Variants in SEL1L observed in about 807,000 individuals in gnomAD.
The protein encoded by SEL1L is SEL1L adaptor subunit of SYVN1 ubiquitin ligase.
In SEL1L, 52 loss-of-function variants were observed where a neutral mutation model predicts 109.8. The observed-to-expected ratio is 0.47, with a 90% CI of 0.38 to 0.60. The LOEUF is 0.60. Among genes scored for constraint, SEL1L ranks in the 20% least tolerant of loss-of-function variants. The pLI is 0.00. For missense variants in SEL1L, 749 were observed against 962.2 expected (o/e 0.78, Z 2.93); for synonymous variants, 373 against 339.6 (o/e 1.10, Z -1.08).
chr14:81,489,052 C>G, intron 14 of SEL1L, 200 bp downstream of exon 14: 1 of 591,848 alleles, frequency 1.7e-6, no homozygotes, highest in Non-Finnish European at 3.0e-6. Context: ...GTGCCAGACA[C>G]AGAGCTGTTC....
intron 3 of SEL1L, among the ~76,000 whole-genome samples, chr14:81,512,492 C>A (rs1326049087): frequency 6.6e-6 from 1 of 152,204 alleles, no homozygotes; most frequent in Admixed American, 6.5e-5. Flanking sequence ...TGCTTCTGCT[C>A]TTCTGATGCA....
At position 81,487,378 on chromosome 14, in the gene SEL1L, G is replaced by GA; in HGVS notation, c.1632+11dup. ...CAACTCCCTACACACAAGCTGGTAG[G>GA]AAAGACCTTACCTCCACTGCAGTGT... On this transcript the variant is annotated intron_variant, in intron 16 of 20. Coordinates refer to ENST00000336735, the MANE Select transcript of SEL1L (RefSeq NM_005065.6). 3.2e-6 allele frequency: 5 copies of GA among 1,560,560 alleles called. No individual in the cohort carries two copies. The highest frequency in any genetic ancestry group is 4.3e-6 in the Non-Finnish European group (5 of 1,162,902).
At chr14:81,523,009 A>G (rs1884983518) in intron 3 of SEL1L, among the ~76,000 whole-genome samples, 1 of 152,234 alleles carries the variant, frequency 6.6e-6, no homozygotes, top group African/African-American at 2.4e-5. Flanking sequence ...CCATGAATTC[A>G]TAATGATGCT....
At chr14:81,503,488 A>C (rs1884103875) in intron 5 of SEL1L, among the ~76,000 whole-genome samples, 1 of 151,942 alleles carries the variant, frequency 6.6e-6, no homozygotes, top group African/African-American at 2.4e-5. Flanking sequence ...CACAGTGTGC[A>C]CCATCATGCC....
At chr14:81,516,330 C>T (rs1884700363) in intron 3 of SEL1L, among the ~76,000 whole-genome samples, 2 of 152,208 alleles carry the variant, frequency 1.3e-5, no homozygotes, top group South Asian at 4.1e-4. Flanking sequence ...CCGTTACCAA[C>T]CGAGGAATCC....
At chr14:81,478,087 A>C (rs2139978100) in intron 20 of SEL1L, among the ~76,000 whole-genome samples, 1 of 152,342 alleles carries the variant, frequency 6.6e-6, no homozygotes, top group East Asian at 1.9e-4. Flanking sequence ...TAATATTTTA[A>C]TTGTTTTAGT....
At chr14:81,502,945 T>C (rs1475043044) in intron 5 of SEL1L, 62 bp from the exon 6 acceptor site, 5 of 1,364,998 alleles carry the variant, frequency 3.7e-6, no homozygotes, top group Non-Finnish European at 5.1e-6. Flanking sequence ...TTAAGTTTTT[T>C]TGATCTACTA....
chr14:81,479,802 AAC>A lies in SEL1L; in HGVS notation c.2047-64_2047-63del. The A allele has an allele frequency of 2.1e-6, 3 of 1,423,404 alleles. No homozygotes were observed. In the African/African-American group the frequency reaches 4.3e-5, roughly 21 times the overall value. 88.2% of individuals were successfully genotyped at this position (1,423,404 alleles called of 1,614,324 possible). A position where few individuals can be genotyped will look rare whatever the true frequency, so the allele number is the denominator to read the frequency against. Reference sequence around the variant, plus strand: ...TCAAAATAAGTAAAAATATTTAGTGAACATATTAGACGAATTTATTTTACCTT... The same window carrying A: ...TCAAAATAAGTAAAAATATTTAGTGAATATTAGACGAATTTATTTTACCTT... On this transcript the variant is annotated intron_variant, in intron 19 of 20. Transcript: ENST00000336735.
intron 3 of SEL1L, among the ~76,000 whole-genome samples, chr14:81,515,974 G>A (rs1454716887): frequency 6.6e-6 from 1 of 152,186 alleles, no homozygotes; most frequent in African/African-American, 2.4e-5. Flanking sequence ...ACAGAAAATA[G>A]AGGAGGCCAA....
intron 19 of SEL1L, among the ~76,000 whole-genome samples, chr14:81,481,547 T>A (rs1903356307): frequency 6.6e-6 from 1 of 152,236 alleles, no homozygotes; most frequent in Non-Finnish European, 1.5e-5. Flanking sequence ...GATGATTCAC[T>A]AGGGTAATTA....
At chr14:81,494,781 G>T (rs1031793773) in intron 11 of SEL1L, among the ~76,000 whole-genome samples, 1 of 152,046 alleles carries the variant, frequency 6.6e-6, no homozygotes, top group Non-Finnish European at 1.5e-5. Context: ...ATTTATATTT[G>T]GTGTGATCAT....
chr14:81,488,991 T>C lies in SEL1L; in HGVS notation c.1395+261A>G, dbSNP rs181569027. 1,218 of 480,490 alleles carry C rather than the reference T, an allele frequency of 2.5e-3. 9 individuals are homozygous for C. The highest frequency in any genetic ancestry group is 0.016 in the Middle Eastern group (30 of 1,832). The allele number at this position is 480,490 out of a possible 1,614,324, so 29.8% of individuals were successfully genotyped here. A position where few individuals can be genotyped will look rare whatever the true frequency, so the allele number is the denominator to read the frequency against. ...TGAGAGATGGTTAGAGGACGTGGGGTAGAGAGCAGAGATGGAAGAACAAGA... is the reference window on the plus strand; with the variant it reads ...TGAGAGATGGTTAGAGGACGTGGGGCAGAGAGCAGAGATGGAAGAACAAGA... On this transcript the variant is annotated intron_variant, in intron 14 of 20. Transcript: ENST00000336735.
intron 12 of SEL1L, 52 bp from the exon 13 acceptor site, chr14:81,490,517 C>T: frequency 1.5e-6 from 2 of 1,350,142 alleles, no homozygotes; most frequent in Non-Finnish European, 2.1e-6. Flanking sequence ...TCTCCAATTA[C>T]ATTTTTCTCC....
Position 81,487,457 on chromosome 14 carries a change from A to T in SEL1L, c.1565T>A (p.Phe522Tyr). 6.2e-7 allele frequency: 1 copy of T among 1,610,496 alleles called. No individual in the cohort carries two copies. Among genetic ancestry groups the T allele is most frequent in the Non-Finnish European group, 8.5e-7 (1 of 1,179,250 alleles). Residue 522 changes from phenylalanine (F) to tyrosine (Y), a missense_variant, in exon 16 of 21, where the codon TTC (phenylalanine) becomes TAC (tyrosine). Around this residue, in one of 2 missense-constraint regions of SEL1L, gnomAD observed 383 missense variants for 562.5 expected, o/e 0.68. Transcript: ENST00000336735. ...LASQGGHILA[F>Y]YNLAQMHASG... ...GGCATGCATCTGAGCTAGGTTATAG[A>T]AAGCCAAGATATGGCCTCCCTGAGA...
chr14:81,492,545 C>T lies in SEL1L; in HGVS notation c.1189G>A (p.Ala397Thr). The change falls in exon 12 of 21, where the codon GCA (alanine) becomes ACA (threonine). Residue 397 changes from alanine (A) to threonine (T), a missense_variant. Around this residue, in one of 2 missense-constraint regions of SEL1L, gnomAD observed 383 missense variants for 562.5 expected, o/e 0.68. Coordinates refer to ENST00000336735, the MANE Select transcript of SEL1L (RefSeq NM_005065.6). Reference protein sequence around the residue: ...GRGVEQNHQRAFDYFNLAANA... With the variant: ...GRGVEQNHQRTFDYFNLAANA... Reference sequence around the variant, plus strand: ...GCTGCTAAATTGAAGTAGTCAAATGCTCTCTATGAGAAAAGAATTTATTAA... The same window carrying T: ...GCTGCTAAATTGAAGTAGTCAAATGTTCTCTATGAGAAAAGAATTTATTAA... 6.2e-7 allele frequency: 1 copy of T among 1,603,814 alleles called. No homozygotes were observed. The highest frequency in any genetic ancestry group is 8.5e-7 in the Non-Finnish European group (1 of 1,172,750).
intron 3 of SEL1L, among the ~76,000 whole-genome samples, chr14:81,510,873 G>C (rs1884450739): frequency 6.6e-6 from 1 of 151,984 alleles, no homozygotes; most frequent in Admixed American, 6.6e-5. Context: ...ATCAATTTTA[G>C]TAAACACCAA....
intron 1 of SEL1L, among the ~76,000 whole-genome samples, chr14:81,530,374 CCT>C (rs781596567): frequency 7.2e-5 from 11 of 152,186 alleles, no homozygotes; most frequent in Non-Finnish European, 1.0e-4. Flanking sequence ...GCTTGCTCAG[CCT>C]CTGTTTCTCA....
At chr14:81,482,619 T>A (rs1303883212) in intron 19 of SEL1L, among the ~76,000 whole-genome samples, 1 of 150,300 alleles carries the variant, frequency 6.7e-6, no homozygotes, top group African/African-American at 2.4e-5. Flanking sequence ...CTACATTAAG[T>A]GGCAGAGATC....
chr14:81,483,320 T>C (rs1272456409), intron 19 of SEL1L, among the ~76,000 whole-genome samples: 3 of 152,236 alleles, frequency 2.0e-5, no homozygotes, highest in Non-Finnish European at 4.4e-5. Flanking sequence ...ATGTATTTTG[T>C]AGATTTGATC....
Sources: allele counts gnomAD v4.1 joint callset (sites outside exome capture counted in the v4.1 genomes callset), GRCh38; gene constraint gnomAD v4.1.1; regional missense constraint gnomAD v4.1.1; transcripts MANE v1.5; gene names NCBI Gene and HGNC (gene_info 2026-07-23, HGNC 2026-07-21).